LRMDA: variants seen among roughly 807,000 people sequenced by gnomAD.
LRMDA encodes the protein leucine-rich melanocyte differentiation-associated protein.
Under a neutral mutation model 29.8 loss-of-function variants are expected in LRMDA, and 18 were observed. The observed-to-expected ratio is 0.60, with a 90% CI of 0.42 to 0.90. The LOEUF (loss-of-function observed/expected upper bound fraction) is 0.90. Among genes scored for constraint, LRMDA ranks in the 40% least tolerant of loss-of-function variants. The pLI, the probability that LRMDA is intolerant of heterozygous loss-of-function variation, is 0.00. For synonymous variants in LRMDA, 125 were observed against 109.4 expected, an observed-to-expected ratio of 1.14 and a Z score of -0.89; for missense variants, 273 against 273.9, an observed-to-expected ratio of 1.00 and a Z score of 0.02.
chr10:75,868,357 CCTTTTT>C (rs1472564271), intron 2 of LRMDA, among the ~76,000 whole-genome samples: 20 of 152,236 alleles, frequency 1.3e-4, no homozygotes, highest in African/African-American at 3.9e-4. Flanking sequence ...GCTCCTGTTT[CCTTTTT>C]CTTTTTATGA....
intron 2 of LRMDA, among the ~76,000 whole-genome samples, chr10:75,714,397 T>C (rs192238323): frequency 2.4e-4 from 36 of 152,352 alleles, no homozygotes; most frequent in Admixed American, 2.3e-3. Flanking sequence ...GGGGATGATA[T>C]GAGTTCAGAG....
chr10:76,480,010 C>A lies in LRMDA; in HGVS notation c.602-77199C>A, dbSNP rs568544075. Among the ~76,000 whole-genome samples, 8 of 152,026 alleles carry A rather than the reference C, an allele frequency of 5.3e-5. No homozygotes were observed. The East Asian group carries it at 9.7e-4, about 19-fold the overall frequency. On this transcript the variant is annotated intron_variant, in intron 6 of 6. Transcript: ENST00000611255. Reference sequence around the variant, plus strand: ...ATGAATAATAACGTTCTAAGCTGAGCATTTTACTTACATTATTTCATTTAA... The same window carrying A: ...ATGAATAATAACGTTCTAAGCTGAGAATTTTACTTACATTATTTCATTTAA...
intron 6 of LRMDA, among the ~76,000 whole-genome samples, chr10:76,337,886 TAA>T (rs1486569108): frequency 6.6e-6 from 1 of 152,180 alleles, no homozygotes; most frequent in Non-Finnish European, 1.5e-5. Context: ...TGGTTAAGCT[TAA>T]GTTTCATTTT....
chr10:75,637,009 C>T (rs575188936), intron 2 of LRMDA, among the ~76,000 whole-genome samples: 2 of 152,330 alleles, frequency 1.3e-5, no homozygotes, highest in African/African-American at 4.8e-5. Flanking sequence ...GTTTTATATG[C>T]ATTGACTCAT....
At chr10:76,293,648 G>T (rs1840376950) in intron 5 of LRMDA, among the ~76,000 whole-genome samples, 1 of 152,154 alleles carries the variant, frequency 6.6e-6, no homozygotes, top group Non-Finnish European at 1.5e-5. Context: ...GGAGTTAGGG[G>T]TCTTTGTAAT....
intron 6 of LRMDA, among the ~76,000 whole-genome samples, chr10:76,351,565 A>G (rs1841176691): frequency 6.6e-6 from 1 of 151,908 alleles, no homozygotes; most frequent in African/African-American, 2.4e-5. Flanking sequence ...TTTCCCATTC[A>G]CCAATATTAG....
intron 2 of LRMDA, among the ~76,000 whole-genome samples, chr10:75,521,371 G>C (rs539405738): frequency 1.2e-3 from 177 of 152,354 alleles, no homozygotes; most frequent in Non-Finnish European, 1.7e-3. Context: ...TGCCCAGCTC[G>C]AACTTCCCAG....
At chr10:75,436,183 A>T (rs1027564239) in intron 1 of LRMDA, among the ~76,000 whole-genome samples, 4 of 152,112 alleles carry the variant, frequency 2.6e-5, no homozygotes, top group Admixed American at 2.6e-4. Flanking sequence ...TATCACTAAG[A>T]AGCTGTATTG....
At chr10:75,539,115 A>G (rs946073868) in intron 2 of LRMDA, among the ~76,000 whole-genome samples, 11 of 152,332 alleles carry the variant, frequency 7.2e-5, no homozygotes, top group Admixed American at 5.9e-4. Flanking sequence ...TGTGTCCAAC[A>G]ATGTAAGGCA....
intron 2 of LRMDA, among the ~76,000 whole-genome samples, chr10:75,737,196 A>G (rs183991560): frequency 1.1e-3 from 169 of 152,362 alleles, no homozygotes; most frequent in African/African-American, 3.5e-3. Flanking sequence ...GCCTTCTTAA[A>G]GCTCAGAGTC....
At chr10:76,036,770 C>A (rs995950553) in intron 3 of LRMDA, among the ~76,000 whole-genome samples, 5 of 152,116 alleles carry the variant, frequency 3.3e-5, no homozygotes, top group African/African-American at 1.2e-4. Flanking sequence ...GTGAGACTTA[C>A]GGGCACTAAC....
At chr10:75,518,734 CT>C (rs1845324020) in intron 2 of LRMDA, among the ~76,000 whole-genome samples, 1 of 151,938 alleles carries the variant, frequency 6.6e-6, no homozygotes, top group Non-Finnish European at 1.5e-5. Context: ...TATTTCTTGC[CT>C]TCTGCTAGCT....
chr10:75,584,900 T>C (rs1459888794), intron 2 of LRMDA, among the ~76,000 whole-genome samples: 1 of 152,136 alleles, frequency 6.6e-6, no homozygotes, highest in Non-Finnish European at 1.5e-5. Context: ...CCCTCTAACT[T>C]TGGGGCAGCA....
At chr10:75,463,243 G>A (rs1472920622) in intron 2 of LRMDA, among the ~76,000 whole-genome samples, 2 of 152,134 alleles carry the variant, frequency 1.3e-5, no homozygotes, top group African/African-American at 2.4e-5. Context: ...AAACTTGAGC[G>A]TGCACACACA....
At chr10:75,903,343 T>C (rs539584933) in intron 2 of LRMDA, among the ~76,000 whole-genome samples, 1 of 152,210 alleles carries the variant, frequency 6.6e-6, no homozygotes, top group Non-Finnish European at 1.5e-5. Context: ...GTGTTGAATT[T>C]CCTTCGCTGG....
intron 5 of LRMDA, among the ~76,000 whole-genome samples, chr10:76,216,317 C>T (rs780035140): frequency 1.3e-5 from 2 of 152,186 alleles, no homozygotes; most frequent in Non-Finnish European, 2.9e-5. Flanking sequence ...GATCATGCCA[C>T]TGTACTCCAG....
chr10:76,417,775 C>T (rs1842032490), intron 6 of LRMDA, among the ~76,000 whole-genome samples: 1 of 152,154 alleles, frequency 6.6e-6, no homozygotes, highest in Non-Finnish European at 1.5e-5. Context: ...ACTCAAAGGT[C>T]ATGACGGTAT....
chr10:75,465,553 A>G (rs1201948382), intron 2 of LRMDA, among the ~76,000 whole-genome samples: 1 of 152,192 alleles, frequency 6.6e-6, no homozygotes, highest in Non-Finnish European at 1.5e-5. Flanking sequence ...ATTGGGTAGT[A>G]TTTAGAAACA....
chr10:76,477,342 A>G (rs1842685117), intron 6 of LRMDA, among the ~76,000 whole-genome samples: 1 of 152,112 alleles, frequency 6.6e-6, no homozygotes, highest in Admixed American at 6.5e-5. Flanking sequence ...TCCAGCTTAC[A>G]AGGGATGTGA....
Sources: gnomAD v4.1 joint callset for allele counts (sites outside exome capture counted in the v4.1 genomes callset) on GRCh38, gnomAD v4.1.1 for gene constraint, MANE v1.5 for transcripts, NCBI Gene and HGNC (gene_info 2026-07-23, HGNC 2026-07-21) for gene names.